AMZ2: variants seen among roughly 807,000 people sequenced by gnomAD.
The protein encoded by AMZ2 is archaelysin family metallopeptidase 2, also known as archaemetzincin-2.
AMZ2 carries 26 observed loss-of-function variants against 36.7 expected under a neutral mutation model. That is an observed-to-expected ratio of 0.71 (90% CI 0.52 to 0.98). AMZ2 has a LOEUF of 0.98. Ranked by LOEUF, AMZ2 falls within the 50% of genes least tolerant of loss-of-function variation. AMZ2 has a pLI of 0.00. For missense variants in AMZ2, 394 were observed against 430.5 expected (o/e 0.92, Z 0.75); for synonymous variants, 144 against 149.1 (o/e 0.97, Z 0.25).
At chr17:68,231,974 AT>A (rs138020477) in intron 1 of AMZ2, among the ~76,000 whole-genome samples, 4 of 152,106 alleles carry the variant, frequency 2.6e-5, no homozygotes, top group East Asian at 1.9e-4. Flanking sequence ...AGAATCCTGT[AT>A]TTTTTTGGCA....
At chr17:68,220,487 TG>T (rs1555728207) in intron 1 of AMZ2, among the ~76,000 whole-genome samples, 2 of 151,806 alleles carry the variant, frequency 1.3e-5, no homozygotes, top group African/African-American at 4.9e-5. Context: ...AGTAGCTTGA[TG>T]GGTATATACC....
intron 1 of AMZ2, among the ~76,000 whole-genome samples, chr17:68,223,277 A>G (rs56225016): frequency 0.23 from 34,369 of 151,636 alleles, 4,559 homozygotes; most frequent in African/African-American, 0.37. Flanking sequence ...GCTTGAGTAG[A>G]GTCCACACCA....
chr17:68,222,844 CCTG>C (rs2073403896), intron 1 of AMZ2, among the ~76,000 whole-genome samples: 1 of 152,214 alleles, frequency 6.6e-6, no homozygotes, highest in Admixed American at 6.5e-5. Flanking sequence ...CTGCTCACCT[CCTG>C]CTGTGTGGCC....
At chr17:68,222,575 A>G (rs2060399658) in intron 1 of AMZ2, among the ~76,000 whole-genome samples, 2 of 152,334 alleles carry the variant, frequency 1.3e-5, no homozygotes, top group Admixed American at 1.3e-4. Flanking sequence ...ATAATGTAGA[A>G]TCAGTGGGAG....
At chr17:68,253,022 C>A (rs1312125258) in intron 4 of AMZ2, among the ~76,000 whole-genome samples, 2 of 152,134 alleles carry the variant, frequency 1.3e-5, no homozygotes, top group Non-Finnish European at 2.9e-5. Flanking sequence ...AATATCTTAA[C>A]ACAGTGGTCT....
intron 1 of AMZ2, among the ~76,000 whole-genome samples, chr17:68,227,166 C>T (rs1311382172): frequency 1.3e-5 from 2 of 152,142 alleles, no homozygotes; most frequent in Admixed American, 6.5e-5. Context: ...CCACTGGTGT[C>T]ACACCCATCT....
At chr17:68,216,201 A>G (rs1224633564) in intron 1 of AMZ2, among the ~76,000 whole-genome samples, 1 of 152,124 alleles carries the variant, frequency 6.6e-6, no homozygotes, top group East Asian at 1.9e-4. Context: ...TGGCATGATC[A>G]TGGCTCACTG....
upstream of AMZ2, among the ~76,000 whole-genome samples, chr17:68,245,551 G>A (rs1165997079): frequency 6.6e-6 from 1 of 152,060 alleles, no homozygotes; most frequent in Non-Finnish European, 1.5e-5. Flanking sequence ...ACCATGCCTG[G>A]TCAGTTATTT....
intron 6 of AMZ2, 54 bp from the exon 7 acceptor site, chr17:68,256,760 C>T (rs2074936134): frequency 1.0e-5 from 16 of 1,577,056 alleles, no homozygotes; most frequent in Non-Finnish European, 1.3e-5. Context: ...TCTCTCTTGC[C>T]TGATGGTATT....
chr17:68,212,515 G>A (rs1435500337), intron 1 of AMZ2, among the ~76,000 whole-genome samples: 1 of 152,158 alleles, frequency 6.6e-6, no homozygotes, highest in Non-Finnish European at 1.5e-5. Flanking sequence ...CAGCTTGGGA[G>A]ACAGAAAGAG....
At chr17:68,232,850 C>T (rs777173749) in intron 1 of AMZ2, among the ~76,000 whole-genome samples, 1 of 152,178 alleles carries the variant, frequency 6.6e-6, no homozygotes, top group Non-Finnish European at 1.5e-5. Flanking sequence ...AAAAGAGAGA[C>T]AAACTTTGTT....
intron 1 of AMZ2, among the ~76,000 whole-genome samples, chr17:68,233,849 G>C (rs1422836885): frequency 6.6e-6 from 1 of 152,054 alleles, no homozygotes; most frequent in Non-Finnish European, 1.5e-5. Context: ...AGCCTCCTGA[G>C]TAGCTAGGAC....
chr17:68,255,652 C>G (rs1555742296), intron 5 of AMZ2, 48 bp from the exon 6 acceptor site: 1 of 1,573,812 alleles, frequency 6.4e-7, no homozygotes, highest in Non-Finnish European at 8.7e-7. Flanking sequence ...AGACGTGTAG[C>G]CTAATGTGAT....
intron 1 of AMZ2, among the ~76,000 whole-genome samples, chr17:68,208,757 G>C (rs2072923623): frequency 6.6e-6 from 1 of 152,158 alleles, no homozygotes; most frequent in Non-Finnish European, 1.5e-5. Flanking sequence ...CCTAAAGCCA[G>C]CGAGACCACG....
chr17:68,212,113 G>C (rs1474410911), intron 1 of AMZ2, among the ~76,000 whole-genome samples: 1 of 152,142 alleles, frequency 6.6e-6, no homozygotes, highest in Non-Finnish European at 1.5e-5. Flanking sequence ...ACCCACACCT[G>C]TAATCCCAGC....
chr17:68,243,007 G>A (rs1555734421), upstream of AMZ2, among the ~76,000 whole-genome samples: 10 of 141,376 alleles, frequency 7.1e-5, no homozygotes, highest in Non-Finnish European at 6.0e-5. Context: ...TCACACTACT[G>A]TACTCCAGCC....
chr17:68,242,394 C>A (rs1218749394), intron 1 of AMZ2, among the ~76,000 whole-genome samples: 2 of 151,418 alleles, frequency 1.3e-5, no homozygotes, highest in Non-Finnish European at 2.9e-5. Context: ...AGAGAAAAAT[C>A]AAAACCACCA....
At chr17:68,209,793 G>T (rs2072985768) in intron 1 of AMZ2, among the ~76,000 whole-genome samples, 1 of 150,922 alleles carries the variant, frequency 6.6e-6, no homozygotes, top group Non-Finnish European at 1.5e-5. Context: ...GCTAAGTTTT[G>T]TATGTTTAGT....
At chr17:68,222,748 G>A (rs1387201469) in intron 1 of AMZ2, among the ~76,000 whole-genome samples, 3 of 152,224 alleles carry the variant, frequency 2.0e-5, no homozygotes, top group East Asian at 1.9e-4. Context: ...TAATGCCACC[G>A]CTGATCTGAC....
Sources: allele counts gnomAD v4.1 joint callset (sites outside exome capture counted in the v4.1 genomes callset), GRCh38; gene constraint gnomAD v4.1.1; transcripts MANE v1.5; gene names NCBI Gene and HGNC (gene_info 2026-07-23, HGNC 2026-07-21).